ASCC3: variants seen among roughly 807,000 people sequenced by gnomAD.
ASCC3 encodes activating signal cointegrator 1 complex subunit 3, also known as ASC-1 complex subunit P200.
ASCC3 carries 158 observed loss-of-function variants against 256.3 expected under a neutral mutation model. That is an observed-to-expected ratio of 0.62 (90% CI 0.54 to 0.70). ASCC3 has a LOEUF of 0.70. Ranked by LOEUF, ASCC3 falls within the 30% of genes least tolerant of loss-of-function variation. ASCC3 has a pLI of 0.00. For synonymous variants in ASCC3, 948 were observed against 883.4 expected (o/e 1.07, Z -1.30); for missense variants, 2,259 against 2,626.0 (o/e 0.86, Z 3.05).
At chr6:100,529,377 T>A (rs1562096170) in intron 37 of ASCC3, among the ~76,000 whole-genome samples, 1 of 152,106 alleles carries the variant, frequency 6.6e-6, no homozygotes, top group African/African-American at 2.4e-5. Flanking sequence ...TATAAAAACT[T>A]GAGAAGATGC....
intron 36 of ASCC3, among the ~76,000 whole-genome samples, chr6:100,551,047 C>A (rs191040348): frequency 6.6e-6 from 1 of 152,016 alleles, no homozygotes; most frequent in African/African-American, 2.4e-5. Context: ...AATGTTAACC[C>A]AGTGATGCCT....
chr6:100,867,777 ATC>A, intron 2 of ASCC3, 129 bp downstream of exon 2: 1 of 771,772 alleles, frequency 1.3e-6, no homozygotes, highest in Non-Finnish European at 2.2e-6. Flanking sequence ...CACATTCTCC[ATC>A]TTTGCCTCAC....
intron 24 of ASCC3, among the ~76,000 whole-genome samples, chr6:100,639,347 CA>C (rs1309271389): frequency 1.3e-5 from 2 of 152,092 alleles, no homozygotes; most frequent in African/African-American, 4.8e-5. Flanking sequence ...ACTGAGTAAA[CA>C]AAACCTGCCC....
At chr6:100,572,720 A>C (rs1373360958) in intron 36 of ASCC3, among the ~76,000 whole-genome samples, 4 of 152,170 alleles carry the variant, frequency 2.6e-5, no homozygotes, top group Non-Finnish European at 4.4e-5. Context: ...TTTTTGTCCT[A>C]ATCTGTGTTA....
chr6:100,798,681 A>G (rs1357911727), intron 8 of ASCC3, 32 bp downstream of exon 8: 1 of 1,610,200 alleles, frequency 6.2e-7, no homozygotes, highest in Non-Finnish European at 8.5e-7. Flanking sequence ...CCAAGCCTCA[A>G]AACTATCAAC....
chr6:100,712,748 ACTC>A (rs1285489449), intron 13 of ASCC3, among the ~76,000 whole-genome samples: 4 of 116,900 alleles, frequency 3.4e-5, no homozygotes, highest in African/African-American at 1.3e-4. Context: ...TAGCAATTAT[ACTC>A]TTTTTTTTTT....
At position 100,509,116 on chromosome 6, in the gene ASCC3, A is replaced by G; in HGVS notation, c.*270T>C. On this transcript the variant is annotated 3_prime_UTR_variant, in exon 42 of 42. Coordinates refer to ENST00000369162, the MANE Select transcript of ASCC3 (RefSeq NM_006828.4). ...AGCTCCTAAATATCATCCCAAATATACACAAATTAAAAGATTATTCTAAAT... is the reference window on the plus strand; with the variant it reads ...AGCTCCTAAATATCATCCCAAATATGCACAAATTAAAAGATTATTCTAAAT... 2.3e-6 allele frequency: 1 copy of G among 435,926 alleles called. No homozygotes were observed. The highest frequency in any genetic ancestry group is 4.2e-6 in the Non-Finnish European group (1 of 235,636). The allele number at this position is 435,926 out of a possible 1,614,324, so 27.0% of individuals were successfully genotyped here. A position where few individuals can be genotyped will look rare whatever the true frequency, so the allele number is the denominator to read the frequency against.
chr6:100,818,490 C>G (rs1770863993), intron 4 of ASCC3, among the ~76,000 whole-genome samples: 1 of 150,466 alleles, frequency 6.6e-6, no homozygotes, highest in Admixed American at 6.6e-5. Context: ...CCGCTTGAAC[C>G]CAGGAGGCAA....
intron 4 of ASCC3, among the ~76,000 whole-genome samples, chr6:100,847,116 A>G (rs1582954765): frequency 6.6e-6 from 1 of 152,152 alleles, no homozygotes; most frequent in Non-Finnish European, 1.5e-5. Flanking sequence ...AACTTACTAT[A>G]GATATTCAGA....
Position 100,585,204 on chromosome 6 carries a change from T to C in ASCC3, c.5550+4430A>G, listed in dbSNP as rs1473517282. ...CAAATTGGTTCCATTCTCCCCGTCA[T>C]TTTCAGGTACACCAATCAGACGCAG... On this transcript the variant is annotated intron_variant, in intron 36 of 41. Coordinates refer to ENST00000369162, the MANE Select transcript of ASCC3 (RefSeq NM_006828.4). 3.3e-5 allele frequency among the ~76,000 whole-genome samples: 5 copies of C among 152,188 alleles called. No homozygotes were observed. In the East Asian group the frequency reaches 7.7e-4, roughly 23 times the overall value.
At chr6:100,814,181 A>T (rs1582902865) in intron 4 of ASCC3, among the ~76,000 whole-genome samples, 1 of 152,272 alleles carries the variant, frequency 6.6e-6, no homozygotes, top group East Asian at 1.9e-4. Context: ...AGCCTTTTCT[A>T]CATCTATTGA....
intron 19 of ASCC3, among the ~76,000 whole-genome samples, chr6:100,650,932 T>C (rs921130570): frequency 2.0e-5 from 3 of 151,856 alleles, no homozygotes; most frequent in African/African-American, 7.2e-5. Flanking sequence ...TTATTATTCA[T>C]CACCAATATT....
chr6:100,862,644 G>C (rs1213420848), intron 3 of ASCC3, among the ~76,000 whole-genome samples: 2 of 152,122 alleles, frequency 1.3e-5, no homozygotes, highest in Non-Finnish European at 2.9e-5. Context: ...TTTTTATTAA[G>C]ACCCTAAAAT....
In ASCC3 at chr6:100,758,100, C is replaced by T. The variant is rs1029579177; in HGVS notation, c.1737+8465G>A. Among the ~76,000 whole-genome samples the T allele has an allele frequency of 2.5e-4, 38 of 152,002 alleles. 1 individual carries two copies. Among genetic ancestry groups the T allele is most frequent in the Non-Finnish European group, 4.6e-4 (31 of 68,008 alleles). ...TAGGAAGCCCTCTGATATCATAATA[C>T]TCAAAAAGTCCAGGATGCAACTGAA... On this transcript the variant is annotated intron_variant, in intron 10 of 41. Transcript: ENST00000369162.
At chr6:100,819,582 C>T (rs376018821) in intron 4 of ASCC3, among the ~76,000 whole-genome samples, 4 of 151,998 alleles carry the variant, frequency 2.6e-5, no homozygotes, top group East Asian at 1.9e-4. Flanking sequence ...TGGCAAGCCA[C>T]TGGTGTAAAT....
intron 10 of ASCC3, among the ~76,000 whole-genome samples, chr6:100,743,486 G>T (rs190657366): frequency 6.6e-6 from 1 of 151,786 alleles, no homozygotes; most frequent in East Asian, 1.9e-4. Flanking sequence ...CCTCACCCCC[G>T]GACTCTCCTA....
intron 4 of ASCC3, among the ~76,000 whole-genome samples, chr6:100,818,836 A>ACAAC (rs145949178): frequency 1.1e-4 from 3 of 27,566 alleles, no homozygotes; most frequent in African/African-American, 8.2e-4. Flanking sequence ...ATTAGAAGTG[A>ACAAC]CAAGTTGAGC....
chr6:100,716,116 C>G (rs1043012754), intron 12 of ASCC3, among the ~76,000 whole-genome samples: 2 of 151,736 alleles, frequency 1.3e-5, no homozygotes, highest in African/African-American at 4.8e-5. Flanking sequence ...AAGAAAGGGT[C>G]TCTAAGTATT....
chr6:100,645,922 G>C (rs1160942121), intron 22 of ASCC3, among the ~76,000 whole-genome samples: 1 of 152,042 alleles, frequency 6.6e-6, no homozygotes, highest in Non-Finnish European at 1.5e-5. Context: ...AGATCATGGA[G>C]AAAGTAGTCT....
Sources: gnomAD v4.1 joint callset for allele counts (sites outside exome capture counted in the v4.1 genomes callset) on GRCh38, gnomAD v4.1.1 for gene constraint, MANE v1.5 for transcripts, NCBI Gene and HGNC (gene_info 2026-07-23, HGNC 2026-07-21) for gene names.